Variants in WWC1 observed in about 807,000 individuals in gnomAD.
WWC1 encodes protein KIBRA.
Under a neutral mutation model 138.4 loss-of-function variants are expected in WWC1, and 55 were observed. The observed-to-expected ratio is 0.40, with a 90% CI of 0.32 to 0.50. WWC1 has a LOEUF of 0.50. WWC1 is among the 20% of genes least tolerant of loss of function. WWC1 has a pLI of 0.72. For missense variants in WWC1, 1,226 were observed against 1,420.4 expected (o/e 0.86, Z 2.20); for synonymous variants, 524 against 564.9 (o/e 0.93, Z 1.03).
At chr5:168,307,839 T>C (rs1312912372) in intron 1 of WWC1, among the ~76,000 whole-genome samples, 1 of 152,134 alleles carries the variant, frequency 6.6e-6, no homozygotes, top group African/African-American at 2.4e-5. Flanking sequence ...CTCGATCTCC[T>C]GACCTCGTGA....
At chr5:168,340,268 G>A (rs1465271807) in intron 1 of WWC1, among the ~76,000 whole-genome samples, 1 of 152,062 alleles carries the variant, frequency 6.6e-6, no homozygotes, top group Non-Finnish European at 1.5e-5. Context: ...TAGAGACGGA[G>A]TTTCCTCACG....
At chr5:168,371,639 A>G (rs777158749) in intron 2 of WWC1, 106 bp downstream of exon 2, 55 of 703,768 alleles carry the variant, frequency 7.8e-5, no homozygotes, top group Non-Finnish European at 1.3e-4. Context: ...TCTTGGAGCC[A>G]GATTGTATTT....
At chr5:168,331,631 G>A (rs535407823) in intron 1 of WWC1, among the ~76,000 whole-genome samples, 6 of 152,312 alleles carry the variant, frequency 3.9e-5, no homozygotes, top group South Asian at 2.1e-4. Context: ...CATTGCTATC[G>A]TTGCTTGCAC....
intron 13 of WWC1, 21 bp from the exon 14 acceptor site, chr5:168,430,116 A>G (rs763128955): frequency 1.3e-6 from 2 of 1,578,244 alleles, no homozygotes; most frequent in African/African-American, 2.7e-5. Flanking sequence ...TAGGTACTTC[A>G]TATGCCCCTT....
At chr5:168,305,757 C>T (rs1024081348) in intron 1 of WWC1, among the ~76,000 whole-genome samples, 1 of 152,300 alleles carries the variant, frequency 6.6e-6, no homozygotes, top group African/African-American at 2.4e-5. Flanking sequence ...ACATATTAGA[C>T]TCGTCAGATC....
chr5:168,337,574 T>C (rs907678180), intron 1 of WWC1, among the ~76,000 whole-genome samples: 1 of 152,180 alleles, frequency 6.6e-6, no homozygotes, highest in Non-Finnish European at 1.5e-5. Context: ...CAGGAGGCCC[T>C]GAAAGATATG....
intron 1 of WWC1, among the ~76,000 whole-genome samples, chr5:168,351,263 G>C (rs1403388141): frequency 1.3e-5 from 2 of 152,092 alleles, no homozygotes; most frequent in African/African-American, 4.8e-5. Flanking sequence ...AGACACAGTA[G>C]CTCCAGACTG....
chr5:168,370,762 C>A (rs1297880373), intron 1 of WWC1, among the ~76,000 whole-genome samples: 1 of 152,184 alleles, frequency 6.6e-6, no homozygotes, highest in Non-Finnish European at 1.5e-5. Context: ...GTGATTACTA[C>A]CACTTTGATC....
intron 15 of WWC1, among the ~76,000 whole-genome samples, chr5:168,432,139 C>T (rs565509769): frequency 6.6e-6 from 1 of 151,900 alleles, no homozygotes; most frequent in Non-Finnish European, 1.5e-5. Context: ...GCTGGATGAC[C>T]TTGGGCAAGG....
At chr5:168,396,451 A>C (rs903310387) in intron 3 of WWC1, among the ~76,000 whole-genome samples, 1 of 152,216 alleles carries the variant, frequency 6.6e-6, no homozygotes, top group African/African-American at 2.4e-5. Context: ...TGTGAACAGG[A>C]AAGAGTGTTC....
At chr5:168,376,061 T>TC (rs965059137) in intron 2 of WWC1, among the ~76,000 whole-genome samples, 4 of 152,046 alleles carry the variant, frequency 2.6e-5, no homozygotes, top group African/African-American at 9.7e-5. Context: ...TTTGTCTTTT[T>TC]TTTTTTTCTT....
At chr5:168,373,009 C>G (rs1374825726) in intron 2 of WWC1, among the ~76,000 whole-genome samples, 1 of 152,224 alleles carries the variant, frequency 6.6e-6, no homozygotes, top group Non-Finnish European at 1.5e-5. Flanking sequence ...TGAGAGACAG[C>G]TAATGGCATT....
intron 1 of WWC1, among the ~76,000 whole-genome samples, chr5:168,320,954 T>C (rs1772020651): frequency 6.6e-6 from 1 of 152,198 alleles, no homozygotes; most frequent in Admixed American, 6.5e-5. Context: ...CTTCAGCCAG[T>C]AACGATTAGA....
Position 168,469,070 on chromosome 5 carries a change from G to A in WWC1, c.*53G>A. The A allele has an allele frequency of 6.2e-7, 1 of 1,604,398 alleles. No individual in the cohort carries two copies. The highest frequency in any genetic ancestry group is 8.5e-7 in the Non-Finnish European group (1 of 1,171,402). On this transcript the variant is annotated 3_prime_UTR_variant, in exon 23 of 23. Transcript: ENST00000265293. ...ACTGACCAGGCTGTGAACATTGACT[G>A]TGGCTAAAGTTATTTATGTGGTGTT...
chr5:168,386,479 G>A (rs551306054), intron 3 of WWC1, among the ~76,000 whole-genome samples: 125 of 146,988 alleles, frequency 8.5e-4, no homozygotes, highest in Non-Finnish European at 1.4e-3. Flanking sequence ...TGCAAGCTCC[G>A]CCTCCTGGGT....
Position 168,414,026 on chromosome 5 carries a change from A to G in WWC1, c.942-322A>G, listed in dbSNP as rs1050632505. On this transcript the variant is annotated intron_variant, in intron 8 of 22. Transcript: ENST00000265293. ...GTTATTCCATTCAGAGAGATGAGCA[A>G]CTTGCCCAAGGCCACACAGCCAGTG... The G allele has an allele frequency of 1.3e-5, 4 of 301,434 alleles. No homozygotes were observed. In the East Asian group the frequency reaches 2.1e-4, roughly 15 times the overall value. The allele number at this position is 301,434 out of a possible 1,614,324, so 18.7% of individuals were successfully genotyped here.
intron 1 of WWC1, among the ~76,000 whole-genome samples, chr5:168,342,610 G>A (rs1774131001): frequency 6.6e-6 from 1 of 152,178 alleles, no homozygotes; most frequent in Admixed American, 6.5e-5. Context: ...TGGGGGATAG[G>A]TTGAAGAGTC....
At chr5:168,433,782 C>T (rs1582283419) in intron 15 of WWC1, among the ~76,000 whole-genome samples, 2 of 152,328 alleles carry the variant, frequency 1.3e-5, no homozygotes, top group Non-Finnish European at 2.9e-5. Flanking sequence ...AAGTGATCCG[C>T]CTGTCTCCAC....
intron 15 of WWC1, among the ~76,000 whole-genome samples, chr5:168,440,136 G>A (rs958100997): frequency 1.4e-4 from 22 of 152,288 alleles, no homozygotes; most frequent in African/African-American, 5.1e-4. Flanking sequence ...AATTTGAAAA[G>A]GGGAAAGGAC....
Sources: allele counts gnomAD v4.1 joint callset (sites outside exome capture counted in the v4.1 genomes callset), GRCh38; gene constraint gnomAD v4.1.1; transcripts MANE v1.5; gene names NCBI Gene and HGNC (gene_info 2026-07-23, HGNC 2026-07-21).